The following DHRSX variants were observed in gnomAD, a reference collection of about 807,000 sequenced individuals.
The protein encoded by DHRSX is polyprenol dehydrogenase.
In DHRSX, 31 loss-of-function variants were observed where a neutral mutation model predicts 34.0. The observed-to-expected ratio is 0.91, with a 90% CI of 0.69 to 1.23. The LOEUF (loss-of-function observed/expected upper bound fraction) is 1.23. Ranked by LOEUF, DHRSX falls within the 50% of genes most tolerant of loss-of-function variation. The pLI, the probability that DHRSX is intolerant of heterozygous loss-of-function variation, is 0.00. For missense variants in DHRSX, 414 were observed against 428.1 expected, an observed-to-expected ratio of 0.97 and a Z score of 0.29; for synonymous variants, 201 against 183.8, an observed-to-expected ratio of 1.09 and a Z score of -0.76.
In DHRSX at chrX:2,361,104, C is replaced by T. The variant is rs190046242; in HGVS notation, c.286+47641G>A. On this transcript the variant is annotated intron_variant, in intron 3 of 6. Transcript: ENST00000334651. ...ATTTCAAGAGGAGACACTTTCCATA[C>T]ACATTATCATAAAAGTTTGTTTGTG... Among the ~76,000 whole-genome samples, 341 of 152,246 alleles carry T rather than the reference C, an allele frequency of 2.2e-3. 1 individual carries two copies. The highest frequency in any genetic ancestry group is 7.9e-3 in the African/African-American group (329 of 41,562).
intron 3 of DHRSX, among the ~76,000 whole-genome samples, chrX:2,331,453 T>G (rs1163009190): frequency 4.3e-5 from 6 of 138,064 alleles, no homozygotes; most frequent in African/African-American, 1.0e-4. Context: ...TTTTTTTTTT[T>G]TTTTTTTTTT....
In DHRSX at chrX:2,263,902, A is replaced by C. The variant is rs191424116; in HGVS notation, c.596+2838T>G. ...TATCCTTAAGGCGGGGTTAGGAGGAATTCACAAGAGAGACCTGCTGATGGA... is the reference window on the plus strand; with the variant it reads ...TATCCTTAAGGCGGGGTTAGGAGGACTTCACAAGAGAGACCTGCTGATGGA... On this transcript the variant is annotated intron_variant, in intron 5 of 6. Coordinates refer to ENST00000334651, the MANE Select transcript of DHRSX (RefSeq NM_145177.3). Among the ~76,000 whole-genome samples the C allele has an allele frequency of 3.2e-4, 49 of 152,300 alleles. No homozygotes were observed. In the South Asian group the frequency reaches 9.5e-3, roughly 30 times the overall value.
chrX:2,439,068 C>G (rs996922865), intron 1 of DHRSX, among the ~76,000 whole-genome samples: 1 of 151,586 alleles, frequency 6.6e-6, no homozygotes, highest in African/African-American at 2.4e-5. Flanking sequence ...TTTTTTGAAC[C>G]CAGGAGGTGG....
intron 3 of DHRSX, among the ~76,000 whole-genome samples, chrX:2,299,095 T>A (rs1470496573): frequency 6.6e-6 from 1 of 151,388 alleles, no homozygotes; most frequent in Non-Finnish European, 1.5e-5. Flanking sequence ...ACTGCCAGTA[T>A]CAAATACTTG....
In DHRSX at chrX:2,364,209, G is replaced by A. The variant is rs538541180; in HGVS notation, c.286+44536C>T. Among the ~76,000 whole-genome samples, 131 of 152,246 alleles carry A rather than the reference G, an allele frequency of 8.6e-4. 1 individual carries two copies. Among genetic ancestry groups the A allele is most frequent in the Middle Eastern group, 3.4e-3 (1 of 294 alleles). The stretch of plus-strand genomic sequence containing the variant: ...GCATCTGTAGGGATCTACATCAGTG[G>A]TTTTCCATTGGAGGCCTTTTTGTTT... On this transcript the variant is annotated intron_variant, in intron 3 of 6. Transcript: ENST00000334651.
chrX:2,489,866 G>C (rs2045078583), intron 1 of DHRSX: 9 of 1,613,682 alleles, frequency 5.6e-6, no homozygotes, highest in Non-Finnish European at 6.8e-6. Context: ...CATGTGCACT[G>C]CGACGTCCAG....
Position 2,243,040 on chromosome X carries a change from C to G in DHRSX, c.787G>C (p.Gly263Arg), listed in dbSNP as rs760712531. The change falls in exon 6 of 7, where the codon GGC becomes CGC. Residue 263 changes from glycine to arginine, a missense_variant. Physicochemically the swap from Gly to Arg is moderately radical, Grantham distance 125 (BLOSUM62 -2). Transcript: ENST00000334651. ...GGGCTTACCTTGAAAAGCAACCAGCCGAGAAGCTTCTTCGCCAGACGGGTG... is the reference window on the plus strand; with the variant it reads ...GGGCTTACCTTGAAAAGCAACCAGCGGAGAAGCTTCTTCGCCAGACGGGTG... ...WATRLAKKLL[G>R]WLLFKTPDEG... is the part of the protein sequence containing the mutation. The G allele has an allele frequency of 1.9e-5, 31 of 1,613,506 alleles. No individual in the cohort carries two copies. The highest frequency in any genetic ancestry group is 2.7e-5 in the African/African-American group (2 of 74,882).
chrX:2,452,289 A>G (rs942648672), intron 1 of DHRSX, among the ~76,000 whole-genome samples: 19 of 151,186 alleles, frequency 1.3e-4, no homozygotes, highest in African/African-American at 4.6e-4. Flanking sequence ...GACCACCACC[A>G]TGTACACACT....
At chrX:2,369,909 C>G (rs1288543627) in intron 3 of DHRSX, among the ~76,000 whole-genome samples, 2 of 152,082 alleles carry the variant, frequency 1.3e-5, no homozygotes, top group Non-Finnish European at 2.9e-5. Context: ...TTCCAAAGTG[C>G]TGGGATTACA....
intron 5 of DHRSX, among the ~76,000 whole-genome samples, chrX:2,247,511 G>A (rs1351766996): frequency 1.3e-5 from 2 of 151,556 alleles, no homozygotes; most frequent in Non-Finnish European, 2.9e-5. Flanking sequence ...AAAATTACCC[G>A]GGCATGGTGG....
At chrX:2,488,578 A>G (rs1464745293) in intron 1 of DHRSX, 1 of 1,527,126 alleles carries the variant, frequency 6.5e-7, no homozygotes, top group African/African-American at 1.4e-5. Context: ...AAGTATTTAC[A>G]GCAAAGCATC....
chrX:2,319,908 A>G (rs1458391941), intron 3 of DHRSX, among the ~76,000 whole-genome samples: 1 of 152,002 alleles, frequency 6.6e-6, no homozygotes, highest in Non-Finnish European at 1.5e-5. Flanking sequence ...AGCTCACTGC[A>G]ATCTCCACCT....
intron 1 of DHRSX, among the ~76,000 whole-genome samples, chrX:2,450,775 G>A (rs2044205860): frequency 6.6e-6 from 1 of 151,456 alleles, no homozygotes; most frequent in Admixed American, 6.6e-5. Flanking sequence ...TTTAAAGAAT[G>A]GTATTTGCTA....
intron 1 of DHRSX, among the ~76,000 whole-genome samples, chrX:2,434,108 C>T (rs186197831): frequency 3.4e-4 from 52 of 152,184 alleles, no homozygotes; most frequent in African/African-American, 1.1e-3. Context: ...AAACCCCAGT[C>T]CCTCCACAAA....
chrX:2,442,963 G>C (rs1003740910), intron 1 of DHRSX, among the ~76,000 whole-genome samples: 1 of 152,170 alleles, frequency 6.6e-6, no homozygotes, highest in Non-Finnish European at 1.5e-5. Flanking sequence ...ACTTGTGTGT[G>C]TGTCAATCTA....
At chrX:2,450,477 TTAGA>T (rs1314071632) in intron 1 of DHRSX, among the ~76,000 whole-genome samples, 4 of 151,930 alleles carry the variant, frequency 2.6e-5, no homozygotes, top group African/African-American at 9.7e-5. Flanking sequence ...AAAAAGAATG[TTAGA>T]TAGTATCGGA....
chrX:2,318,249 C>T (rs144543369), intron 3 of DHRSX, among the ~76,000 whole-genome samples: 1,938 of 150,660 alleles, frequency 0.013, 43 homozygotes, highest in African/African-American at 0.04. Context: ...GCCTGTAGTC[C>T]CAGCTACTTG....
intron 4 of DHRSX, among the ~76,000 whole-genome samples, chrX:2,276,357 C>G (rs1381643515): frequency 6.6e-6 from 1 of 152,162 alleles, no homozygotes; most frequent in Non-Finnish European, 1.5e-5. Flanking sequence ...CGGAATCTGT[C>G]TCTTCGCCAA....
intron 3 of DHRSX, among the ~76,000 whole-genome samples, chrX:2,381,632 A>C (rs1449639088): frequency 6.6e-6 from 1 of 152,044 alleles, no homozygotes; most frequent in Non-Finnish European, 1.5e-5. Context: ...CAAAAAAATA[A>C]AAATGAAAAA....
Sources: gnomAD v4.1 joint callset for allele counts (sites outside exome capture counted in the v4.1 genomes callset) on GRCh38, gnomAD v4.1.1 for gene constraint, MANE v1.5 for transcripts, NCBI Gene and HGNC (gene_info 2026-07-23, HGNC 2026-07-21) for gene names.